GALM: variants seen among roughly 807,000 people sequenced by gnomAD.
GALM encodes aldose 1-epimerase.
A neutral mutation model predicts 37.4 loss-of-function variants in GALM; 43 were observed. That is an observed-to-expected ratio of 1.15 (90% CI 0.90 to 1.48). The LOEUF (loss-of-function observed/expected upper bound fraction) is 1.48. Among genes scored for constraint, GALM ranks in the 40% most tolerant of loss-of-function variants. The probability of loss-of-function intolerance (pLI) is 0.00; values close to 1 mark genes in which losing one functional copy is unlikely to be tolerated. For missense variants in GALM, 456 were observed against 419.1 expected, an observed-to-expected ratio of 1.09 and a Z score of -0.77; for synonymous variants, 199 against 170.6, an observed-to-expected ratio of 1.17 and a Z score of -1.30.
intron 3 of GALM, among the ~76,000 whole-genome samples, chr2:38,683,801 G>C (rs566319585): frequency 6.6e-6 from 1 of 152,030 alleles, no homozygotes; most frequent in Non-Finnish European, 1.5e-5. Context: ...TCCTGACCTC[G>C]GGTGATCCAC....
Position 38,666,187 on chromosome 2 carries a change from T to C in GALM, c.26T>C (p.Phe9Ser), listed in dbSNP as rs1664926862. Residue 9 changes from phenylalanine (F) to serine (S), a missense_variant, in exon 1 of 7, where the codon TTT (phenylalanine) becomes TCT (serine). Coordinates refer to ENST00000272252, the MANE Select transcript of GALM (RefSeq NM_138801.3). MASVTRAV[F>S]GELPSGGGTV... ...ATGGCTTCGGTGACCAGGGCCGTGT[T>C]TGGAGAGCTGCCCTCGGGAGGAGGG... is the stretch of plus-strand genomic sequence containing the variant. The C allele has an allele frequency of 6.2e-7, 1 of 1,613,270 alleles. No homozygotes were observed. Among genetic ancestry groups the C allele is most frequent in the African/African-American group, 1.3e-5 (1 of 74,884 alleles).
At chr2:38,709,506 TC>T (rs1666107936) in intron 4 of GALM, among the ~76,000 whole-genome samples, 1 of 136,828 alleles carries the variant, frequency 7.3e-6, no homozygotes. Flanking sequence ...AGCAATACCC[TC>T]CCCCGTTGCA....
At chr2:38,710,575 A>C (rs1335422903) in intron 4 of GALM, among the ~76,000 whole-genome samples, 3 of 152,040 alleles carry the variant, frequency 2.0e-5, no homozygotes, top group Non-Finnish European at 4.4e-5. Context: ...CTATTATTTA[A>C]AAAATTTGTT....
chr2:38,670,648 C>T (rs1322532758), intron 1 of GALM, among the ~76,000 whole-genome samples: 1 of 152,190 alleles, frequency 6.6e-6, no homozygotes, highest in Non-Finnish European at 1.5e-5. Flanking sequence ...TATCTGACCA[C>T]ATATTTGATA....
At chr2:38,721,886 T>C (rs1274051113) in intron 4 of GALM, among the ~76,000 whole-genome samples, 2 of 152,134 alleles carry the variant, frequency 1.3e-5, no homozygotes, top group African/African-American at 4.8e-5. Context: ...TTCTTTGACT[T>C]TGTCATGACC....
chr2:38,704,514 T>A (rs1364424190), intron 4 of GALM, among the ~76,000 whole-genome samples: 1 of 151,722 alleles, frequency 6.6e-6, no homozygotes, highest in Admixed American at 6.6e-5. Context: ...TACAAAAAAA[T>A]AGAATCAAAA....
At chr2:38,674,600 T>G (rs1171924920) in intron 1 of GALM, among the ~76,000 whole-genome samples, 1 of 152,166 alleles carries the variant, frequency 6.6e-6, no homozygotes, top group East Asian at 1.9e-4. Context: ...CATTCTATAT[T>G]TCCTCTGGCA....
At chr2:38,715,542 A>T (rs751710254) in intron 4 of GALM, among the ~76,000 whole-genome samples, 1 of 152,084 alleles carries the variant, frequency 6.6e-6, no homozygotes, top group Non-Finnish European at 1.5e-5. Context: ...GGCTCAAGTG[A>T]TCCTCCCACC....
intron 1 of GALM, among the ~76,000 whole-genome samples, chr2:38,672,464 GGA>G (rs1034617287): frequency 6.6e-6 from 1 of 152,200 alleles, no homozygotes; most frequent in African/African-American, 2.4e-5. Flanking sequence ...GGTGGGAATA[GGA>G]GAGAGAGAGA....
intron 4 of GALM, among the ~76,000 whole-genome samples, chr2:38,729,134 C>G (rs1440920902): frequency 6.6e-6 from 1 of 151,948 alleles, no homozygotes; most frequent in Non-Finnish European, 1.5e-5. Flanking sequence ...ATAACCTGAG[C>G]CCATACTCCC....
intron 4 of GALM, among the ~76,000 whole-genome samples, chr2:38,724,621 C>G (rs1666449573): frequency 6.6e-6 from 1 of 152,160 alleles, no homozygotes; most frequent in Non-Finnish European, 1.5e-5. Flanking sequence ...GGAGCCTTCA[C>G]TGTTTTTTTC....
At chr2:38,713,298 G>T (rs1333936784) in intron 4 of GALM, among the ~76,000 whole-genome samples, 1 of 152,170 alleles carries the variant, frequency 6.6e-6, no homozygotes, top group East Asian at 1.9e-4. Flanking sequence ...AGGCAGAAGG[G>T]TTGTCTCTCT....
chr2:38,731,673 G>C (rs1666612440), intron 5 of GALM, 62 bp from the exon 6 acceptor site: 1 of 1,326,368 alleles, frequency 7.5e-7, no homozygotes, highest in Non-Finnish European at 1.1e-6. Context: ...CCGCTTCCCA[G>C]CTTCTACTCC....
chr2:38,732,439 G>A (rs1666627494), intron 6 of GALM, among the ~76,000 whole-genome samples: 1 of 152,242 alleles, frequency 6.6e-6, no homozygotes, highest in Non-Finnish European at 1.5e-5. Context: ...ATGGTTTTAA[G>A]AAAGCTGAAA....
intron 4 of GALM, among the ~76,000 whole-genome samples, chr2:38,721,842 A>G (rs1419839341): frequency 6.6e-6 from 1 of 152,002 alleles, no homozygotes; most frequent in Admixed American, 6.6e-5. Context: ...CACTCATCCA[A>G]TGATCTTGTC....
At chr2:38,692,994 A>C (rs777333901) in intron 4 of GALM, among the ~76,000 whole-genome samples, 2 of 152,174 alleles carry the variant, frequency 1.3e-5, no homozygotes, top group Non-Finnish European at 2.9e-5. Flanking sequence ...GATTGGGGCC[A>C]TGTCAGATCT....
intron 3 of GALM, among the ~76,000 whole-genome samples, chr2:38,685,311 C>A (rs542824317): frequency 6.6e-6 from 1 of 152,170 alleles, no homozygotes; most frequent in Non-Finnish European, 1.5e-5. Context: ...TAGGATAAAT[C>A]AACAAGCCTA....
chr2:38,684,250 G>C (rs1665471106), intron 3 of GALM, among the ~76,000 whole-genome samples: 1 of 152,192 alleles, frequency 6.6e-6, no homozygotes, highest in African/African-American at 2.4e-5. Context: ...ACCTGGGGAG[G>C]AGGGGAGAAC....
At chr2:38,732,793 AC>A (rs1310868660) in intron 6 of GALM, among the ~76,000 whole-genome samples, 1 of 150,512 alleles carries the variant, frequency 6.6e-6, no homozygotes, top group African/African-American at 2.5e-5. Context: ...GGTAGTGCAC[AC>A]CTGTGGCCCC....
Sources: allele counts gnomAD v4.1 joint callset (sites outside exome capture counted in the v4.1 genomes callset), GRCh38; gene constraint gnomAD v4.1.1; transcripts MANE v1.5; gene names NCBI Gene and HGNC (gene_info 2026-07-23, HGNC 2026-07-21).